Variants in NCOA1 observed in about 807,000 individuals in gnomAD.
NCOA1 encodes nuclear receptor coactivator 1.
NCOA1 carries 35 observed loss-of-function variants against 150.9 expected under a neutral mutation model. The observed-to-expected ratio is 0.23, with a 90% CI of 0.18 to 0.31. The LOEUF is 0.31. Among genes scored for constraint, NCOA1 ranks in the 10% least tolerant of loss-of-function variants. The probability of loss-of-function intolerance (pLI) is 1.00; values close to 1 mark genes in which losing one functional copy is unlikely to be tolerated. For missense variants in NCOA1, 1,491 were observed against 1,749.3 expected, an observed-to-expected ratio of 0.85 and a Z score of 2.63; for synonymous variants, 590 against 630.0, an observed-to-expected ratio of 0.94 and a Z score of 0.95.
chr2:24,672,347 A>G (rs1473388325), intron 6 of NCOA1, among the ~76,000 whole-genome samples: 1 of 152,164 alleles, frequency 6.6e-6, no homozygotes, highest in Non-Finnish European at 1.5e-5. Context: ...AATGGTGGCT[A>G]TATTAATATG....
At chr2:24,567,078 G>A (rs1049789554) in intron 2 of NCOA1, among the ~76,000 whole-genome samples, 5 of 152,232 alleles carry the variant, frequency 3.3e-5, no homozygotes, top group African/African-American at 4.8e-5. Flanking sequence ...TAGATGGGCC[G>A]CTGCTGCCAT....
chr2:24,728,504 C>CTGA, intron 16 of NCOA1, 28 bp downstream of exon 16: 1 of 1,586,104 alleles, frequency 6.3e-7, no homozygotes, highest in Non-Finnish European at 8.6e-7. Context: ...CATTATTTAA[C>CTGA]TGATGGAGCC....
intron 3 of NCOA1, among the ~76,000 whole-genome samples, chr2:24,595,777 A>T (rs191585128): frequency 2.0e-5 from 3 of 152,130 alleles, no homozygotes; most frequent in Admixed American, 2.0e-4. Flanking sequence ...GGAGCTCTCA[A>T]CTAGGCAAGC....
At chr2:24,492,993 A>T (rs182330696) in intron 1 of NCOA1, among the ~76,000 whole-genome samples, 1 of 151,272 alleles carries the variant, frequency 6.6e-6, no homozygotes, top group East Asian at 1.9e-4. Flanking sequence ...AACAACAACA[A>T]TAACAACGAA....
chr2:24,645,262 C>T (rs934593200), intron 4 of NCOA1, among the ~76,000 whole-genome samples: 8 of 149,560 alleles, frequency 5.3e-5, no homozygotes, highest in South Asian at 2.1e-4. Context: ...GATGCTGAGA[C>T]GGGTGAATTA....
chr2:24,758,099 C>G lies in NCOA1; in HGVS notation c.4008C>G (p.Ala1336=). Residue 1336 remains alanine, a synonymous_variant, in exon 21 of 23, where the codon GCC becomes GCG. Coordinates refer to ENST00000348332, the MANE Select transcript of NCOA1 (RefSeq NM_003743.5). ...TTCAGAACATGAACCCAATGATGGCCCAGATGCAGATGAGCTCTTTGCAGA... is the reference window on the plus strand; with the variant it reads ...TTCAGAACATGAACCCAATGATGGCGCAGATGCAGATGAGCTCTTTGCAGA... ...TNVQNMNPMM[A]QMQMSSLQMP... is the part of the protein sequence containing the mutation. 6.2e-7 allele frequency: 1 copy of G among 1,614,032 alleles called. No homozygotes were observed. Among genetic ancestry groups the G allele is most frequent in the African/African-American group, 1.3e-5 (1 of 74,988 alleles).
intron 4 of NCOA1, among the ~76,000 whole-genome samples, chr2:24,648,502 A>T (rs1447629609): frequency 6.6e-6 from 1 of 152,094 alleles, no homozygotes; most frequent in African/African-American, 2.4e-5. Flanking sequence ...CGAACTCCTG[A>T]CCTCATGATC....
chr2:24,593,111 G>A (rs1244112849), intron 3 of NCOA1, among the ~76,000 whole-genome samples: 2 of 152,144 alleles, frequency 1.3e-5, no homozygotes, highest in Admixed American at 6.6e-5. Context: ...TTATTTGTCA[G>A]GATCAAGAAG....
chr2:24,552,511 A>G (rs1482250243), intron 1 of NCOA1, among the ~76,000 whole-genome samples: 1 of 150,758 alleles, frequency 6.6e-6, no homozygotes, highest in Non-Finnish European at 1.5e-5. Flanking sequence ...GACTACAGGC[A>G]TGTGCCACCA....
chr2:24,729,029 C>G (rs1207595866), intron 16 of NCOA1, among the ~76,000 whole-genome samples: 1 of 152,240 alleles, frequency 6.6e-6, no homozygotes, highest in Non-Finnish European at 1.5e-5. Context: ...ATTTATATTT[C>G]TTACAGTGGG....
chr2:24,733,922 C>T (rs543057933), intron 17 of NCOA1, among the ~76,000 whole-genome samples: 9 of 152,178 alleles, frequency 5.9e-5, no homozygotes, highest in South Asian at 2.1e-4. Context: ...CGGTGGCTCA[C>T]GCCTGTAACC....
In NCOA1 at chr2:24,707,571, G is replaced by C. The variant is rs1673515094; in HGVS notation, c.2101G>C (p.Asp701His). 1.9e-6 allele frequency: 3 copies of C among 1,614,188 alleles called. No individual in the cohort carries two copies. The highest frequency in any genetic ancestry group is 2.5e-6 in the Non-Finnish European group (3 of 1,180,020). ...HRLLQEGSPS[D>H]ITTLSVEPDK... Reference sequence around the variant, plus strand: ...GCTCTTACAGGAGGGTAGCCCCTCAGATATCACCACTTTGTCTGTCGAGCC... The same window carrying C: ...GCTCTTACAGGAGGGTAGCCCCTCACATATCACCACTTTGTCTGTCGAGCC... The change falls in exon 13 of 23, where the codon GAT becomes CAT. Residue 701 changes from aspartate (D) to histidine (H), a missense_variant. By Grantham distance (81) the Asp-to-His change is moderately conservative. This residue lies in a region of NCOA1 where 703 missense variants were observed against 717.7 expected (regional missense o/e 0.98). Transcript: ENST00000348332.
intron 22 of NCOA1, 35 bp from the exon 23 acceptor site, chr2:24,768,186 C>G (rs369968495): frequency 6.2e-6 from 10 of 1,613,262 alleles, no homozygotes; most frequent in Admixed American, 1.7e-5. Flanking sequence ...GGGGCAGACC[C>G]TTCTGTCTAA....
chr2:24,729,542 A>G lies in NCOA1; in HGVS notation c.2928A>G (p.Gln976=), dbSNP rs770792957. The G allele has an allele frequency of 3.7e-6, 6 of 1,614,016 alleles. No homozygotes were observed. The change falls in exon 17 of 23, where the codon CAA becomes CAG. Residue 976 remains glutamine (Q), a synonymous_variant. Coordinates refer to ENST00000348332, the MANE Select transcript of NCOA1 (RefSeq NM_003743.5). The stretch of plus-strand genomic sequence containing the variant: ...TATTATCAGAGAGATTTCCACCACA[A>G]CAAGCAACGCCACCTTTGATCATGG... ...LDVLSERFPP[Q]QATPPLIMEE...
At chr2:24,520,355 G>A (rs956976593) in intron 1 of NCOA1, among the ~76,000 whole-genome samples, 2 of 152,018 alleles carry the variant, frequency 1.3e-5, no homozygotes, top group African/African-American at 4.8e-5. Flanking sequence ...CAATCCAAAC[G>A]TCCTTAATAG....
chr2:24,587,288 T>TA (rs1003389505), intron 3 of NCOA1, among the ~76,000 whole-genome samples: 5 of 150,704 alleles, frequency 3.3e-5, no homozygotes, highest in South Asian at 2.1e-4. Flanking sequence ...AAGGAAGGAT[T>TA]AAAAAAAAAT....
intron 10 of NCOA1, among the ~76,000 whole-genome samples, 172 bp downstream of exon 10, chr2:24,693,519 A>G (rs1393004220): frequency 6.6e-6 from 1 of 152,180 alleles, no homozygotes; most frequent in Non-Finnish European, 1.5e-5. Context: ...TTTAGATACT[A>G]TGATCATTAT....
rs367790772 is a variant in NCOA1 at position 24,758,024 on chromosome 2, A to G, written c.3933A>G (p.Val1311=). 6.4e-4 allele frequency: 1,039 copies of G among 1,614,206 alleles called. 18 individuals carry two copies. The South Asian group carries it at 0.011, about 17-fold the overall frequency. ...AGCCCACGCCTGCACAGCCAGGAGT[A>G]TACAACAACATGAGCATCACCGTTT... ...QNQPTPAQPG[V]YNNMSITVSM... is the part of the protein sequence containing the mutation. Residue 1311 remains valine, a synonymous_variant, in exon 21 of 23, where the codon GTA becomes GTG. Transcript: ENST00000348332.
intron 1 of NCOA1, chr2:24,556,071 G>A (rs977022818): frequency 6.6e-6 from 1 of 152,150 alleles, no homozygotes; most frequent in African/African-American, 2.4e-5. Context: ...CATGTTCCAT[G>A]GTGGTTTGCT....
Sources: gnomAD v4.1 joint callset for allele counts (sites outside exome capture counted in the v4.1 genomes callset) on GRCh38, gnomAD v4.1.1 for gene constraint, gnomAD v4.1.1 regional missense constraint, MANE v1.5 for transcripts, NCBI Gene and HGNC (gene_info 2026-07-23, HGNC 2026-07-21) for gene names.